SGPP2: variants seen among roughly 807,000 people sequenced by gnomAD.
The protein encoded by SGPP2 is sphingosine 1-phosphate phosphohydrolase 2.
In SGPP2, 30 loss-of-function variants were observed where a neutral mutation model predicts 33.9. The observed-to-expected ratio is 0.89, with a 90% CI of 0.66 to 1.20. The LOEUF is 1.20. Ranked by LOEUF, SGPP2 falls within the 50% of genes most tolerant of loss-of-function variation. SGPP2 has a pLI of 0.00. For missense variants in SGPP2, 458 were observed against 532.1 expected (o/e 0.86, Z 1.37); for synonymous variants, 233 against 225.0 (o/e 1.04, Z -0.32).
At chr2:222,441,055 T>C (rs1025153710) in intron 1 of SGPP2, among the ~76,000 whole-genome samples, 3 of 152,258 alleles carry the variant, frequency 2.0e-5, no homozygotes, top group African/African-American at 7.2e-5. Flanking sequence ...TGTAATTTCA[T>C]TGAGAGTAGC....
chr2:222,472,884 C>G (rs900813220), intron 1 of SGPP2, among the ~76,000 whole-genome samples: 1 of 152,260 alleles, frequency 6.6e-6, no homozygotes. Context: ...CATGGTGGTG[C>G]ACTTCTGTAG....
intron 4 of SGPP2, among the ~76,000 whole-genome samples, chr2:222,540,980 G>A (rs1698987774): frequency 6.6e-6 from 1 of 151,920 alleles, no homozygotes; most frequent in South Asian, 2.1e-4. Flanking sequence ...ACCATGCCCG[G>A]CTAATTTTTT....
rs779635931 is a variant in SGPP2, at chr2:222,443,712, G to C, written c.219+18891G>C. ...CTGTTGACTTAGGTTGTGTGCTACA[G>C]GGATCTTGGCTATAGTGAGCCTTTC... On this transcript the variant is annotated intron_variant, in intron 1 of 4. Transcript: ENST00000321276. 5.6e-4 allele frequency among the ~76,000 whole-genome samples: 85 copies of C among 152,108 alleles called. 1 individual carries two copies. The highest frequency in any genetic ancestry group is 2.2e-4 in the Non-Finnish European group (15 of 68,032).
At position 222,462,597 on chromosome 2, in the gene SGPP2, A is replaced by G. The variant is rs1697680102; in HGVS notation, c.220-11971A>G. ...CCTAGAGAAATGCTCACAATGTAATAATGCTTTAAAATTTAAGATTTTCGA... is the reference window on the plus strand; with the variant it reads ...CCTAGAGAAATGCTCACAATGTAATGATGCTTTAAAATTTAAGATTTTCGA... On this transcript the variant is annotated intron_variant, in intron 1 of 4. Coordinates refer to ENST00000321276, the MANE Select transcript of SGPP2 (RefSeq NM_152386.4). 2.0e-5 allele frequency among the ~76,000 whole-genome samples: 3 copies of G among 152,306 alleles called. No individual in the cohort carries two copies. The South Asian group carries it at 6.2e-4, about 32-fold the overall frequency.
chr2:222,430,582 G>A (rs1365020079), intron 1 of SGPP2, among the ~76,000 whole-genome samples: 2 of 152,142 alleles, frequency 1.3e-5, no homozygotes, highest in African/African-American at 4.8e-5. Flanking sequence ...GCCTCCCAAA[G>A]TGCTGGGATT....
At chr2:222,452,069 C>A (rs1271997402) in intron 1 of SGPP2, among the ~76,000 whole-genome samples, 1 of 150,764 alleles carries the variant, frequency 6.6e-6, no homozygotes, top group African/African-American at 2.4e-5. Context: ...ATTTCTTATT[C>A]TTGAGGTTAG....
intron 1 of SGPP2, among the ~76,000 whole-genome samples, chr2:222,425,610 T>C (rs1697055336): frequency 1.3e-5 from 2 of 152,336 alleles, no homozygotes; most frequent in South Asian, 2.1e-4. Flanking sequence ...CCAGACGGGC[T>C]GCACTTGGCT....
At chr2:222,425,017 G>A (rs1697040618) in intron 1 of SGPP2, among the ~76,000 whole-genome samples, 196 bp downstream of exon 1, 2 of 152,210 alleles carry the variant, frequency 1.3e-5, no homozygotes, top group South Asian at 4.1e-4. Context: ...CGCTGCCAGG[G>A]GCAACCGGGT....
chr2:222,496,702 G>A (rs1042472609), intron 2 of SGPP2, among the ~76,000 whole-genome samples: 3 of 152,080 alleles, frequency 2.0e-5, no homozygotes, highest in Non-Finnish European at 4.4e-5. Context: ...TACATATCCA[G>A]TAGGTACATA....
At chr2:222,486,242 G>T (rs1015111514) in intron 2 of SGPP2, among the ~76,000 whole-genome samples, 2 of 152,176 alleles carry the variant, frequency 1.3e-5, no homozygotes, top group Non-Finnish European at 2.9e-5. Flanking sequence ...GACTCCATGG[G>T]TGCCAGCCCC....
At chr2:222,553,045 C>G (rs1159308555) in intron 4 of SGPP2, among the ~76,000 whole-genome samples, 2 of 152,142 alleles carry the variant, frequency 1.3e-5, no homozygotes, top group Non-Finnish European at 2.9e-5. Context: ...ATGCAAAGAC[C>G]CTGACCTTGC....
At chr2:222,521,297 A>T (rs1698681776) in intron 2 of SGPP2, among the ~76,000 whole-genome samples, 1 of 152,234 alleles carries the variant, frequency 6.6e-6, no homozygotes, top group South Asian at 2.1e-4. Context: ...GTTTGGAGGT[A>T]GCATCGTGTG....
chr2:222,449,098 G>A (rs1697440479), intron 1 of SGPP2, among the ~76,000 whole-genome samples: 1 of 152,202 alleles, frequency 6.6e-6, no homozygotes, highest in South Asian at 2.1e-4. Context: ...CCGAAAACAT[G>A]TTCTTGTTTG....
intron 1 of SGPP2, among the ~76,000 whole-genome samples, chr2:222,436,664 G>C (rs1165631243): frequency 1.3e-5 from 2 of 152,214 alleles, no homozygotes; most frequent in Non-Finnish European, 2.9e-5. Context: ...TATGACGGTA[G>C]ATAAGGCATT....
Position 222,424,665 on chromosome 2 carries a change from C to A in SGPP2, c.63C>A (p.Cys21Ter). ...TCGTCGCCCGCTTCCAGCGCCGCTG[C>A]GGGCTCTTCCCCGCTCCGGATGAAG... The part of the protein sequence containing the change: ...SQLVARFQRR[C>*]GLFPAPDEGP... The change falls in exon 1 of 5, where the codon TGC (cysteine) becomes TGA (stop). Residue 21 changes from cysteine (C) to a stop codon, truncating the protein, a stop_gained. Transcript: ENST00000321276. LOFTEE classifies it high-confidence loss of function. 1 of 1,442,250 alleles carries A rather than the reference C, an allele frequency of 6.9e-7. No homozygotes were observed. The highest frequency in any genetic ancestry group is 9.1e-7 in the Non-Finnish European group (1 of 1,097,762). 89.3% of individuals were successfully genotyped at this position (1,442,250 alleles called of 1,614,324 possible). A position where few individuals can be genotyped will look rare whatever the true frequency, so the allele number is the denominator to read the frequency against.
chr2:222,546,935 C>T (rs1689211857), intron 4 of SGPP2, among the ~76,000 whole-genome samples: 1 of 151,724 alleles, frequency 6.6e-6, no homozygotes, highest in Admixed American at 6.6e-5. Context: ...TGACCAGGAA[C>T]CTCAGTGTCA....
At chr2:222,558,134 A>G (rs1689447770) in intron 4 of SGPP2, among the ~76,000 whole-genome samples, 1 of 152,236 alleles carries the variant, frequency 6.6e-6, no homozygotes, top group Admixed American at 6.5e-5. Flanking sequence ...GAAAGAAGAT[A>G]CGTAACATGA....
intron 1 of SGPP2, among the ~76,000 whole-genome samples, chr2:222,454,392 A>G (rs992751234): frequency 6.6e-6 from 1 of 152,246 alleles, no homozygotes; most frequent in African/African-American, 2.4e-5. Context: ...CTCTCTGCCA[A>G]GGTGAAAACC....
chr2:222,523,861 CT>C, intron 3 of SGPP2, among the ~76,000 whole-genome samples: 1 of 152,138 alleles, frequency 6.6e-6, no homozygotes, highest in Non-Finnish European at 1.5e-5. Context: ...ATTCTGAACA[CT>C]TTTAAATTAA....
Sources: gnomAD v4.1 joint callset for allele counts (sites outside exome capture counted in the v4.1 genomes callset) on GRCh38, gnomAD v4.1.1 for gene constraint, MANE v1.5 for transcripts, NCBI Gene and HGNC (gene_info 2026-07-23, HGNC 2026-07-21) for gene names.